CCDC152: variants seen among roughly 807,000 people sequenced by gnomAD.
CCDC152 encodes coiled-coil domain-containing protein 152.
In CCDC152, 37 loss-of-function variants were observed where a neutral mutation model predicts 38.1. The observed-to-expected ratio is 0.97, with a 90% CI of 0.75 to 1.28. The LOEUF (loss-of-function observed/expected upper bound fraction) is 1.28. Among genes scored for constraint, CCDC152 ranks in the 50% most tolerant of loss-of-function variants. The pLI is 0.00. For synonymous variants in CCDC152, 83 were observed against 87.1 expected (o/e 0.95, Z 0.26); for missense variants, 259 against 292.1 (o/e 0.89, Z 0.83).
chr5:42,764,633 C>A (rs925104818), intron 3 of CCDC152, among the ~76,000 whole-genome samples: 1 of 152,118 alleles, frequency 6.6e-6, no homozygotes, highest in African/African-American at 2.4e-5. Flanking sequence ...TGCAAATCAA[C>A]CAATGTGTTA....
chr5:42,783,736 A>C (rs1759879248), intron 6 of CCDC152, among the ~76,000 whole-genome samples, 160 bp downstream of exon 6: 1 of 147,326 alleles, frequency 6.8e-6, no homozygotes, highest in African/African-American at 2.5e-5. Context: ...TTCAACCCTC[A>C]CCCCTCCCAC....
Position 42,801,429 on chromosome 5 carries a change from G to T in CCDC152, c.*1648G>T. ...GAGCTAACATGTGAAATTCCAACTA[G>T]TTAATTAGAATCGAGCTGGCTTTGT... is the stretch of plus-strand genomic sequence containing the variant. On this transcript the variant is annotated 3_prime_UTR_variant, in exon 9 of 9. Coordinates refer to ENST00000361970, the MANE Select transcript of CCDC152 (RefSeq NM_001134848.2). The T allele has an allele frequency of 2.2e-6, 2 of 909,500 alleles. No individual in the cohort carries two copies. The highest frequency in any genetic ancestry group is 3.3e-6 in the Non-Finnish European group (2 of 602,534). 56.3% of individuals were successfully genotyped at this position (909,500 alleles called of 1,614,324 possible). A position where few individuals can be genotyped will look rare whatever the true frequency, so the allele number is the denominator to read the frequency against.
At chr5:42,760,339 C>CCATAAACT (rs1352262453) in intron 2 of CCDC152, among the ~76,000 whole-genome samples, 1 of 151,256 alleles carries the variant, frequency 6.6e-6, no homozygotes, top group Non-Finnish European at 1.5e-5. Context: ...CCTACATTGT[C>CCATAAACT]CATAAACTCA....
In CCDC152 at chr5:42,799,362, C is replaced by G; in HGVS notation, c.559-13C>G. The stretch of plus-strand genomic sequence containing the variant: ...TCTAGAGTTTCAATAACTTTCTTTT[C>G]AATTTGATTCAGTTTGATGCCAAAC... On this transcript the variant is annotated splice_polypyrimidine_tract_variant and intron_variant, in intron 7 of 8. Transcript: ENST00000361970. 7.1e-7 allele frequency: 1 copy of G among 1,408,862 alleles called. No homozygotes were observed. Among genetic ancestry groups the G allele is most frequent in the Non-Finnish European group, 9.7e-7 (1 of 1,034,610 alleles). 87.3% of individuals were successfully genotyped at this position (1,408,862 alleles called of 1,614,324 possible). A position where few individuals can be genotyped will look rare whatever the true frequency, so the allele number is the denominator to read the frequency against.
At chr5:42,789,844 A>G (rs1177821522) in intron 6 of CCDC152, among the ~76,000 whole-genome samples, 1 of 152,172 alleles carries the variant, frequency 6.6e-6, no homozygotes, top group East Asian at 1.9e-4. Flanking sequence ...ATGGGTAATA[A>G]GTTACATATA....
chr5:42,757,369 C>A (rs1437495611), intron 1 of CCDC152, among the ~76,000 whole-genome samples: 1 of 152,062 alleles, frequency 6.6e-6, no homozygotes, highest in African/African-American at 2.4e-5. Flanking sequence ...AGAGGACGAG[C>A]CCCGGGACTC....
intron 2 of CCDC152, 73 bp from the exon 3 acceptor site, chr5:42,762,370 C>A: frequency 2.7e-6 from 2 of 746,814 alleles, no homozygotes; most frequent in South Asian, 1.8e-5. Context: ...TTTCATTAGT[C>A]TGCATATACT....
chr5:42,789,477 C>T (rs1759969655), intron 6 of CCDC152, among the ~76,000 whole-genome samples: 1 of 152,166 alleles, frequency 6.6e-6, no homozygotes, highest in African/African-American at 2.4e-5. Flanking sequence ...AGACTACAGG[C>T]ATGAGCCACT....
At chr5:42,766,394 C>T (rs1561272768) in intron 3 of CCDC152, among the ~76,000 whole-genome samples, 2 of 152,034 alleles carry the variant, frequency 1.3e-5, no homozygotes, top group African/African-American at 4.8e-5. Context: ...TACCATAGGA[C>T]CCAGCAATCC....
chr5:42,798,075 C>T (rs571363583), intron 7 of CCDC152, among the ~76,000 whole-genome samples: 49 of 152,198 alleles, frequency 3.2e-4, no homozygotes, highest in Non-Finnish European at 5.0e-4. Flanking sequence ...CACTTGAACC[C>T]GGGAGGCAGA....
intron 5 of CCDC152, among the ~76,000 whole-genome samples, chr5:42,781,971 A>T (rs1419974938): frequency 6.6e-6 from 1 of 152,130 alleles, no homozygotes; most frequent in African/African-American, 2.4e-5. Flanking sequence ...TTATCTTCAC[A>T]ATTGTAAAAT....
chr5:42,788,750 A>C (rs570325803), intron 6 of CCDC152, among the ~76,000 whole-genome samples: 2 of 152,358 alleles, frequency 1.3e-5, no homozygotes, highest in South Asian at 4.1e-4. Flanking sequence ...AAGAATATAA[A>C]TTAATAACTT....
intron 6 of CCDC152, among the ~76,000 whole-genome samples, chr5:42,786,226 G>A (rs575691609): frequency 3.3e-4 from 50 of 151,936 alleles, no homozygotes; most frequent in Non-Finnish European, 7.4e-5. Context: ...AATTTGGCTG[G>A]CCTGTAAATA....
At chr5:42,796,755 CACTA>C in intron 6 of CCDC152, 70 bp from the exon 7 acceptor site, 1 of 1,012,972 alleles carries the variant, frequency 9.9e-7, no homozygotes, top group Non-Finnish European at 1.4e-6. Flanking sequence ...TGATTTAAAA[CACTA>C]AAGAAATACA....
intron 2 of CCDC152, among the ~76,000 whole-genome samples, chr5:42,761,777 A>G (rs1490971388): frequency 1.3e-5 from 2 of 152,214 alleles, no homozygotes; most frequent in Non-Finnish European, 1.5e-5. Context: ...ATATATAAGG[A>G]ATTGTTAACC....
At chr5:42,782,163 A>G (rs1488163385) in intron 5 of CCDC152, among the ~76,000 whole-genome samples, 1 of 152,184 alleles carries the variant, frequency 6.6e-6, no homozygotes, top group Admixed American at 6.5e-5. Flanking sequence ...GTAATGCTTA[A>G]TCTTGCTCTG....
intron 3 of CCDC152, among the ~76,000 whole-genome samples, chr5:42,769,037 T>A (rs2111948419): frequency 6.6e-6 from 1 of 152,096 alleles, no homozygotes; most frequent in African/African-American, 2.4e-5. Flanking sequence ...TTACTTGAGG[T>A]CAGGAGTTCG....
At chr5:42,785,851 C>G (rs1200643932) in intron 6 of CCDC152, among the ~76,000 whole-genome samples, 14 of 151,960 alleles carry the variant, frequency 9.2e-5, no homozygotes, top group Admixed American at 9.2e-4. Context: ...TGGATTTTAC[C>G]AAATGCTTTT....
At chr5:42,795,109 A>G (rs1247603445) in intron 6 of CCDC152, among the ~76,000 whole-genome samples, 3 of 152,234 alleles carry the variant, frequency 2.0e-5, no homozygotes, top group Non-Finnish European at 1.5e-5. Context: ...CAATTAAAAA[A>G]GATTGCCAGA....
Sources: gnomAD v4.1 joint callset for allele counts (sites outside exome capture counted in the v4.1 genomes callset) on GRCh38, gnomAD v4.1.1 for gene constraint, MANE v1.5 for transcripts, NCBI Gene and HGNC (gene_info 2026-07-23, HGNC 2026-07-21) for gene names.